Variants in CHST8 observed in about 807,000 individuals in gnomAD.
CHST8 encodes carbohydrate sulfotransferase 8, also known as GALNAC-4-ST1.
In CHST8, 10 loss-of-function variants were observed where a neutral mutation model predicts 15.0. That is an observed-to-expected ratio of 0.67 (90% CI 0.41 to 1.13). CHST8 has a LOEUF of 1.13. Among genes scored for constraint, CHST8 ranks in the 50% most tolerant of loss-of-function variants. CHST8 has a pLI of 0.00. For synonymous variants in CHST8, 259 were observed against 256.6 expected, an observed-to-expected ratio of 1.01 and a Z score of -0.09; for missense variants, 634 against 608.2, an observed-to-expected ratio of 1.04 and a Z score of -0.45.
chr19:33,672,353 A>G (rs1161824215), intron 2 of CHST8, among the ~76,000 whole-genome samples: 1 of 151,956 alleles, frequency 6.6e-6, no homozygotes, highest in Non-Finnish European at 1.5e-5. Flanking sequence ...GCACACCACC[A>G]CACCCAGCTG....
intron 3 of CHST8, among the ~76,000 whole-genome samples, chr19:33,748,186 T>C (rs2145351715): frequency 6.6e-6 from 1 of 152,342 alleles, no homozygotes; most frequent in Non-Finnish European, 1.5e-5. Flanking sequence ...CATGTAGCTA[T>C]GCCCCAGGCA....
intron 1 of CHST8, among the ~76,000 whole-genome samples, chr19:33,639,109 AGAG>A (rs200288380): frequency 0.052 from 7,421 of 141,760 alleles, 227 homozygotes; most frequent in East Asian, 0.11. Flanking sequence ...AAAAAAAAAA[AGAG>A]GAGGTACAAT....
intron 3 of CHST8, among the ~76,000 whole-genome samples, chr19:33,746,367 C>G (rs186642553): frequency 6.6e-6 from 1 of 152,170 alleles, no homozygotes; most frequent in East Asian, 1.9e-4. Context: ...GCACCGCCCC[C>G]GGCAACCACT....
At chr19:33,681,832 C>A (rs1972893999) in intron 2 of CHST8, among the ~76,000 whole-genome samples, 2 of 151,708 alleles carry the variant, frequency 1.3e-5, no homozygotes, top group African/African-American at 4.8e-5. Context: ...ATCCAGATGC[C>A]TTGTTCAAGC....
chr19:33,739,521 T>A (rs11666703), intron 3 of CHST8, among the ~76,000 whole-genome samples: 1 of 152,216 alleles, frequency 6.6e-6, no homozygotes, highest in Admixed American at 6.5e-5. Context: ...TCAGAGCTGA[T>A]TAATAAACAG....
At chr19:33,757,126 A>G (rs2145367023) in intron 3 of CHST8, among the ~76,000 whole-genome samples, 1 of 152,150 alleles carries the variant, frequency 6.6e-6, no homozygotes. Context: ...GCAGTGGCTC[A>G]TGCCTGTAAT....
Position 33,648,315 on chromosome 19 carries a change from G to A in CHST8, c.-163-19452G>A, listed in dbSNP as rs902091515. On this transcript the variant is annotated intron_variant, in intron 1 of 4. Transcript: ENST00000650847. ...TTTCAGTATGTTCCCAGTGTTGTGCGCCCATCGCCACAGTCAATTCCACAA... is the reference window on the plus strand; with the variant it reads ...TTTCAGTATGTTCCCAGTGTTGTGCACCCATCGCCACAGTCAATTCCACAA... Among the ~76,000 whole-genome samples, 6 of 152,004 alleles carry A rather than the reference G, an allele frequency of 3.9e-5. No individual in the cohort carries two copies. In the East Asian group the frequency reaches 9.6e-4, roughly 24 times the overall value.
At chr19:33,626,232 T>C (rs1020776535) in intron 1 of CHST8, among the ~76,000 whole-genome samples, 3 of 152,266 alleles carry the variant, frequency 2.0e-5, no homozygotes, top group East Asian at 1.9e-4. Flanking sequence ...TTGTGACTTT[T>C]ACCCTGTACA....
chr19:33,763,149 C>T (rs532739829), intron 3 of CHST8, among the ~76,000 whole-genome samples: 32 of 152,318 alleles, frequency 2.1e-4, no homozygotes, highest in Non-Finnish European at 4.4e-4. Flanking sequence ...TAAGCCACCA[C>T]GCCTGGCCTG....
chr19:33,706,780 T>C (rs561697717), intron 3 of CHST8, among the ~76,000 whole-genome samples: 1 of 152,262 alleles, frequency 6.6e-6, no homozygotes, highest in South Asian at 2.1e-4. Context: ...AATTAAAGGA[T>C]TTTCTGGGCT....
At chr19:33,736,923 G>T (rs284676) in intron 3 of CHST8, among the ~76,000 whole-genome samples, 2 of 151,854 alleles carry the variant, frequency 1.3e-5, no homozygotes, top group African/African-American at 4.8e-5. Flanking sequence ...GCCAAAACCC[G>T]CCAAAACCAA....
At chr19:33,726,576 G>C (rs2145318562) in intron 3 of CHST8, among the ~76,000 whole-genome samples, 1 of 152,220 alleles carries the variant, frequency 6.6e-6, no homozygotes, top group South Asian at 2.1e-4. Flanking sequence ...GCATCAGCTG[G>C]GAGGTGGGGA....
intron 3 of CHST8, among the ~76,000 whole-genome samples, chr19:33,691,414 C>T (rs1973097531): frequency 2.0e-5 from 3 of 152,224 alleles, no homozygotes; most frequent in Non-Finnish European, 2.9e-5. Flanking sequence ...ACACCAAACA[C>T]AGTCATAAAA....
chr19:33,748,277 T>A (rs1974351009), intron 3 of CHST8, among the ~76,000 whole-genome samples: 1 of 152,162 alleles, frequency 6.6e-6, no homozygotes, highest in Non-Finnish European at 1.5e-5. Context: ...TCATCTCCAC[T>A]CTCCAAGGGC....
intron 1 of CHST8, among the ~76,000 whole-genome samples, chr19:33,652,658 G>A (rs1972464575): frequency 6.6e-6 from 1 of 152,094 alleles, no homozygotes; most frequent in Admixed American, 6.6e-5. Flanking sequence ...TTACAGGCAT[G>A]AGCCACTGAG....
At chr19:33,697,785 T>G (rs1441758256) in intron 3 of CHST8, among the ~76,000 whole-genome samples, 1 of 152,086 alleles carries the variant, frequency 6.6e-6, no homozygotes, top group Non-Finnish European at 1.5e-5. Flanking sequence ...GATAAAGGAT[T>G]GGAGTCCTGA....
At chr19:33,736,155 G>C (rs747519864) in intron 3 of CHST8, among the ~76,000 whole-genome samples, 12 of 152,202 alleles carry the variant, frequency 7.9e-5, no homozygotes, top group African/African-American at 2.9e-4. Flanking sequence ...TCAGGATGCT[G>C]TTGAACTGAG....
At chr19:33,711,915 G>A (rs1973558689) in intron 3 of CHST8, among the ~76,000 whole-genome samples, 1 of 151,856 alleles carries the variant, frequency 6.6e-6, no homozygotes. Flanking sequence ...TTACAGATGT[G>A]AGCCACCACA....
At chr19:33,691,669 T>C (rs1973101237) in intron 3 of CHST8, among the ~76,000 whole-genome samples, 1 of 152,260 alleles carries the variant, frequency 6.6e-6, no homozygotes, top group Non-Finnish European at 1.5e-5. Flanking sequence ...TGATTACATT[T>C]ATCTGTTGGA....
Sources: gnomAD v4.1 joint callset for allele counts (sites outside exome capture counted in the v4.1 genomes callset) on GRCh38, gnomAD v4.1.1 for gene constraint, MANE v1.5 for transcripts, NCBI Gene and HGNC (gene_info 2026-07-23, HGNC 2026-07-21) for gene names.